Variants in CTCF observed in about 807,000 individuals in gnomAD.
The protein encoded by CTCF is transcriptional repressor CTCF.
In CTCF, 7 loss-of-function variants were observed where a neutral mutation model predicts 72.3. The ratio of observed to expected loss-of-function variants is 0.10; its 90% confidence interval spans 0.06 to 0.18. The LOEUF is 0.18. CTCF is among the 10% of genes least tolerant of loss of function. The pLI, the probability that CTCF is intolerant of heterozygous loss-of-function variation, is 1.00. For missense variants in CTCF, 516 were observed against 949.1 expected (o/e 0.54, Z 6.00); for synonymous variants, 374 against 315.8 (o/e 1.18, Z -1.95).
intron 2 of CTCF, among the ~76,000 whole-genome samples, chr16:67,591,859 C>T (rs1182518521): frequency 6.6e-6 from 1 of 151,970 alleles, no homozygotes; most frequent in Non-Finnish European, 1.5e-5. Context: ...CAGATGGATG[C>T]CATCATACCT....
chr16:67,578,996 T>A (rs1283808386), intron 2 of CTCF, among the ~76,000 whole-genome samples: 1 of 151,228 alleles, frequency 6.6e-6, no homozygotes, highest in Non-Finnish European at 1.5e-5. Flanking sequence ...GGCTCACGCC[T>A]GTAATCCCAG....
At chr16:67,619,228 G>C (rs1252313546) in intron 5 of CTCF, among the ~76,000 whole-genome samples, 1 of 152,210 alleles carries the variant, frequency 6.6e-6, no homozygotes, top group Admixed American at 6.5e-5. Flanking sequence ...CTGAGATCAA[G>C]AGTTTGAGAC....
At chr16:67,581,378 AG>A (rs2051580020) in intron 2 of CTCF, among the ~76,000 whole-genome samples, 3 of 149,742 alleles carry the variant, frequency 2.0e-5, no homozygotes, top group African/African-American at 7.4e-5. Flanking sequence ...GCTGGAGTGC[AG>A]TGGCATGATC....
At chr16:67,585,175 A>C (rs2051653105) in intron 2 of CTCF, among the ~76,000 whole-genome samples, 1 of 152,118 alleles carries the variant, frequency 6.6e-6, no homozygotes, top group Non-Finnish European at 1.5e-5. Flanking sequence ...TCAGCCTCCC[A>C]AGTAGCTGGG....
intron 9 of CTCF, among the ~76,000 whole-genome samples, chr16:67,629,195 C>CA (rs1322660815): frequency 6.6e-6 from 1 of 152,102 alleles, no homozygotes; most frequent in African/African-American, 2.4e-5. Context: ...TGATCCTCCC[C>CA]CGTCTCTGTC....
At chr16:67,573,709 T>C (rs1490574669) in intron 2 of CTCF, among the ~76,000 whole-genome samples, 1 of 151,832 alleles carries the variant, frequency 6.6e-6, no homozygotes, top group Admixed American at 6.6e-5. Flanking sequence ...TTTCCTTTGC[T>C]TTCACATAAC....
intron 2 of CTCF, among the ~76,000 whole-genome samples, chr16:67,577,412 A>T (rs2051512295): frequency 1.3e-5 from 2 of 148,734 alleles, no homozygotes; most frequent in Non-Finnish European, 3.0e-5. Flanking sequence ...TGCCTAGTTT[A>T]CTTGGCAGTA....
intron 2 of CTCF, among the ~76,000 whole-genome samples, chr16:67,597,120 A>G (rs59603563): frequency 1.8e-3 from 269 of 151,954 alleles, no homozygotes; most frequent in African/African-American, 6.3e-3. Flanking sequence ...TGCAGCCTCA[A>G]CCTCCCCAGG....
intron 2 of CTCF, among the ~76,000 whole-genome samples, chr16:67,576,445 A>C (rs1555531012): frequency 1.3e-5 from 2 of 151,316 alleles, no homozygotes; most frequent in Non-Finnish European, 2.9e-5. Context: ...TAATGCAAAT[A>C]CTTTTTTTCT....
In CTCF at chr16:67,611,495, A is replaced by T. The variant is rs529564462; in HGVS notation, c.663A>T (p.Val221=). Residue 221 remains valine (V), a synonymous_variant, in exon 3 of 12, where the codon GTA becomes GTT. Coordinates refer to ENST00000264010, the MANE Select transcript of CTCF (RefSeq NM_006565.4). Reference sequence around the variant, plus strand: ...GTTATACAGAGGAGGGCAAAGATGTAGATGTGTCTGTCTACGATTTTGAGG... The same window carrying T: ...GTTATACAGAGGAGGGCAAAGATGTTGATGTGTCTGTCTACGATTTTGAGG... ...KLRYTEEGKD[V]DVSVYDFEEE... 6.2e-7 allele frequency: 1 copy of T among 1,614,242 alleles called. No homozygotes were observed. Among genetic ancestry groups the T allele is most frequent in the Non-Finnish European group, 8.5e-7 (1 of 1,180,024 alleles).
At chr16:67,636,364 T>A (rs1451699015) in intron 10 of CTCF, among the ~76,000 whole-genome samples, 5 of 142,800 alleles carry the variant, frequency 3.5e-5, no homozygotes, top group African/African-American at 1.0e-4. Flanking sequence ...AGAGTGAGAC[T>A]CTGTCTCAAA....
At chr16:67,585,573 G>A (rs1020992495) in intron 2 of CTCF, among the ~76,000 whole-genome samples, 6 of 152,126 alleles carry the variant, frequency 3.9e-5, no homozygotes, top group Non-Finnish European at 8.8e-5. Flanking sequence ...ATCCTTACAG[G>A]CAGTATTGGT....
At chr16:67,596,174 G>C (rs754364305) in intron 2 of CTCF, among the ~76,000 whole-genome samples, 14 of 152,050 alleles carry the variant, frequency 9.2e-5, no homozygotes, top group Non-Finnish European at 1.8e-4. Context: ...GGATGGTCTC[G>C]ATCTCCTGAC....
chr16:67,624,871 G>A (rs1597723952), intron 7 of CTCF, among the ~76,000 whole-genome samples: 1 of 151,882 alleles, frequency 6.6e-6, no homozygotes, highest in African/African-American at 2.4e-5. Context: ...TAGGATTACA[G>A]GTGTGAGCCA....
At position 67,626,677 on chromosome 16, in the gene CTCF, C is replaced by T. The variant is rs2142862712; in HGVS notation, c.1480C>T (p.Arg494Cys). Reference sequence around the variant, plus strand: ...TCAGAAGTCACACAAGAATGAGAAGCGCTTTAAGTGTGACCAGTGTGATTA... The same window carrying T: ...TCAGAAGTCACACAAGAATGAGAAGTGCTTTAAGTGTGACCAGTGTGATTA... ...QHQKSHKNEK[R>C]FKCDQCDYAC... Residue 494 changes from arginine (R) to cysteine (C), a missense_variant, in exon 8 of 12, where the codon CGC (arginine) becomes TGC (cysteine). Transcript: ENST00000264010. The T allele has an allele frequency of 1.3e-6, 2 of 1,553,166 alleles. No individual in the cohort carries two copies. Among genetic ancestry groups the T allele is most frequent in the Non-Finnish European group, 1.7e-6 (2 of 1,148,194 alleles).
intron 4 of CTCF, among the ~76,000 whole-genome samples, chr16:67,614,087 C>A (rs921729016): frequency 6.6e-6 from 1 of 152,164 alleles, no homozygotes; most frequent in African/African-American, 2.4e-5. Flanking sequence ...TAGCTCTCGC[C>A]TGTAATCCCA....
intron 2 of CTCF, among the ~76,000 whole-genome samples, chr16:67,597,371 G>A (rs986805134): frequency 6.6e-6 from 1 of 151,566 alleles, no homozygotes; most frequent in African/African-American, 2.4e-5. Flanking sequence ...ACAGAGTCTC[G>A]CTCTGTTGCC....
At chr16:67,564,818 T>C (rs2142697857) in intron 1 of CTCF, among the ~76,000 whole-genome samples, 1 of 152,358 alleles carries the variant, frequency 6.6e-6, no homozygotes, top group East Asian at 1.9e-4. Flanking sequence ...TTGTTTCATA[T>C]GCAGTCATCA....
intron 1 of CTCF, among the ~76,000 whole-genome samples, chr16:67,564,230 T>C (rs141063864): frequency 3.3e-5 from 5 of 152,370 alleles, no homozygotes; most frequent in African/African-American, 1.2e-4. Flanking sequence ...GCGGGAGTCT[T>C]TTGCTTTTCC....
Sources: allele counts gnomAD v4.1 joint callset (sites outside exome capture counted in the v4.1 genomes callset), GRCh38; gene constraint gnomAD v4.1.1; transcripts MANE v1.5; gene names NCBI Gene and HGNC (gene_info 2026-07-23, HGNC 2026-07-21).